MAP4K3: variants seen among roughly 807,000 people sequenced by gnomAD.
The protein encoded by MAP4K3 is MAPK/ERK kinase kinase kinase 3.
MAP4K3 carries 94 observed loss-of-function variants against 143.5 expected under a neutral mutation model. That is an observed-to-expected ratio of 0.65 (90% CI 0.55 to 0.78). The LOEUF is 0.78. Among genes scored for constraint, MAP4K3 ranks in the 30% least tolerant of loss-of-function variants. The pLI is 0.00. For synonymous variants in MAP4K3, 416 were observed against 347.2 expected (o/e 1.20, Z -2.20); for missense variants, 1,077 against 1,068.1 (o/e 1.01, Z -0.12).
At chr2:39,369,205 G>GTTTTTTTTTGGTTTT (rs68013609) in intron 2 of MAP4K3, among the ~76,000 whole-genome samples, 1 of 125,380 alleles carries the variant, frequency 8.0e-6, no homozygotes, top group Non-Finnish European at 1.6e-5. Context: ...TTTTTTTTTT[G>GTTTTTTTTTGGTTTT]TTTTTTTTGA....
chr2:39,407,756 T>A (rs1667134519), intron 1 of MAP4K3, among the ~76,000 whole-genome samples: 1 of 152,084 alleles, frequency 6.6e-6, no homozygotes, highest in Non-Finnish European at 1.5e-5. Flanking sequence ...TCTTATTTTT[T>A]ATAGACATGG....
At chr2:39,429,828 A>C (rs771415505) in intron 1 of MAP4K3, among the ~76,000 whole-genome samples, 2 of 152,234 alleles carry the variant, frequency 1.3e-5, no homozygotes, top group Non-Finnish European at 2.9e-5. Context: ...TGATAAAGCT[A>C]CAGTAAACAA....
chr2:39,430,262 C>T (rs1358373561), intron 1 of MAP4K3, among the ~76,000 whole-genome samples: 1 of 152,120 alleles, frequency 6.6e-6, no homozygotes. Context: ...TTTTTACAAT[C>T]TCAAATTTCT....
In MAP4K3 at chr2:39,308,037, T is replaced by C. The variant is rs767862813; in HGVS notation, c.1057-32A>G. 62 of 1,524,312 alleles carry C rather than the reference T, an allele frequency of 4.1e-5. 1 individual carries two copies. The Middle Eastern group carries it at 8.6e-4, about 21-fold the overall frequency. 94.4% of individuals were successfully genotyped at this position (1,524,312 alleles called of 1,614,324 possible). A position where few individuals can be genotyped will look rare whatever the true frequency, so the allele number is the denominator to read the frequency against. On this transcript the variant is annotated intron_variant, in intron 14 of 33. Transcript: ENST00000263881. The stretch of plus-strand genomic sequence containing the variant: ...AGCAGAGACCAAGAAACCCAAGTTA[T>C]TTACGCTTAGACTAAAAGCCACAAA...
At chr2:39,258,268 C>A in intron 31 of MAP4K3, 80 bp downstream of exon 31, 1 of 947,612 alleles carries the variant, frequency 1.1e-6, no homozygotes, top group Non-Finnish European at 1.6e-6. Flanking sequence ...TTAATAATAT[C>A]AATCTTTAAT....
intron 2 of MAP4K3, among the ~76,000 whole-genome samples, chr2:39,366,612 C>T (rs1459060607): frequency 1.3e-5 from 2 of 152,092 alleles, no homozygotes; most frequent in Non-Finnish European, 2.9e-5. Flanking sequence ...AGGGTAACTT[C>T]GGAATGCCTT....
In MAP4K3 at chr2:39,272,561, A is replaced by G. The variant is rs1681074295; in HGVS notation, c.1795-19T>C. The G allele has an allele frequency of 2.5e-6, 4 of 1,600,870 alleles. No individual in the cohort carries two copies. The highest frequency in any genetic ancestry group is 3.4e-6 in the Non-Finnish European group (4 of 1,168,426). On this transcript the variant is annotated intron_variant, in intron 24 of 33. Coordinates refer to ENST00000263881, the MANE Select transcript of MAP4K3 (RefSeq NM_003618.4). ...GGAATAGCTGATTAAAAAAAGGCACAAAGTTTACAAAGAATAATACATAAT... is the reference window on the plus strand; with the variant it reads ...GGAATAGCTGATTAAAAAAAGGCACGAAGTTTACAAAGAATAATACATAAT...
intron 1 of MAP4K3, among the ~76,000 whole-genome samples, chr2:39,392,682 G>A (rs1244101244): frequency 6.6e-6 from 1 of 152,228 alleles, no homozygotes; most frequent in African/African-American, 2.4e-5. Flanking sequence ...AGTATTGGCA[G>A]GTGGGGTGAT....
Position 39,275,247 on chromosome 2 carries a change from G to C in MAP4K3, c.1795-2705C>G, listed in dbSNP as rs185626026. On this transcript the variant is annotated intron_variant, in intron 24 of 33. Coordinates refer to ENST00000263881, the MANE Select transcript of MAP4K3 (RefSeq NM_003618.4). The stretch of plus-strand genomic sequence containing the variant: ...CACACCTGTAATCCCAGCACTGGGT[G>C]GGTAAGGCAGAAGGACTGCTGGAGC... Among the ~76,000 whole-genome samples, 662 of 152,318 alleles carry C rather than the reference G, an allele frequency of 4.3e-3. 4 individuals are homozygous for C. The highest frequency in any genetic ancestry group is 0.02 in the Middle Eastern group (6 of 294).
intron 1 of MAP4K3, among the ~76,000 whole-genome samples, chr2:39,386,409 A>G (rs187990665): frequency 6.6e-6 from 1 of 152,366 alleles, no homozygotes; most frequent in East Asian, 1.9e-4. Context: ...TTTATTTTTG[A>G]TAAAGTCCAA....
intron 14 of MAP4K3, among the ~76,000 whole-genome samples, 191 bp from the exon 15 acceptor site, chr2:39,308,196 A>C (rs1682788992): frequency 6.6e-6 from 1 of 152,222 alleles, no homozygotes; most frequent in Admixed American, 6.5e-5. Context: ...AAATGCAGTT[A>C]CTAAATTAGT....
intron 1 of MAP4K3, among the ~76,000 whole-genome samples, chr2:39,403,451 A>AT (rs1317984254): frequency 6.6e-6 from 1 of 152,104 alleles, no homozygotes; most frequent in Non-Finnish European, 1.5e-5. Flanking sequence ...TGGCGCAGAG[A>AT]ATGTGTGTGC....
At chr2:39,318,061 AGC>A in intron 12 of MAP4K3, among the ~76,000 whole-genome samples, 1 of 152,272 alleles carries the variant, frequency 6.6e-6, no homozygotes, top group Middle Eastern at 3.4e-3. Flanking sequence ...ACGGATATGC[AGC>A]CATAAAAAAG....
At chr2:39,292,886 A>G (rs1682108216) in intron 17 of MAP4K3, 60 bp from the exon 18 acceptor site, 4 of 1,378,408 alleles carry the variant, frequency 2.9e-6, no homozygotes, top group Non-Finnish European at 4.1e-6. Context: ...AGTAAGAAGA[A>G]ATTTTAGAAA....
chr2:39,314,744 C>A (rs1683058170), intron 13 of MAP4K3, among the ~76,000 whole-genome samples: 1 of 152,206 alleles, frequency 6.6e-6, no homozygotes, highest in Non-Finnish European at 1.5e-5. Flanking sequence ...GGGCCCATAA[C>A]TTGGCTGCCC....
At chr2:39,322,161 A>C (rs1683330338) in intron 12 of MAP4K3, among the ~76,000 whole-genome samples, 1 of 152,200 alleles carries the variant, frequency 6.6e-6, no homozygotes, top group East Asian at 1.9e-4. Context: ...ACTTAAAATT[A>C]AGTGGCAGGG....
At chr2:39,429,695 T>C (rs898255750) in intron 1 of MAP4K3, among the ~76,000 whole-genome samples, 22 of 152,236 alleles carry the variant, frequency 1.4e-4, no homozygotes, top group African/African-American at 5.1e-4. Flanking sequence ...TAGGCTTTTA[T>C]ATTTAACTTG....
chr2:39,405,344 T>G (rs1320102275), intron 1 of MAP4K3, among the ~76,000 whole-genome samples: 1 of 152,244 alleles, frequency 6.6e-6, no homozygotes, highest in African/African-American at 2.4e-5. Context: ...ACAAGTCTAC[T>G]AGAACTACAG....
chr2:39,339,621 G>T (rs547541679), intron 4 of MAP4K3, among the ~76,000 whole-genome samples: 3 of 152,116 alleles, frequency 2.0e-5, no homozygotes, highest in African/African-American at 7.2e-5. Flanking sequence ...CATAAAACCA[G>T]AAGTCTCAGA....
Sources: allele counts gnomAD v4.1 joint callset (sites outside exome capture counted in the v4.1 genomes callset), GRCh38; gene constraint gnomAD v4.1.1; transcripts MANE v1.5; gene names NCBI Gene and HGNC (gene_info 2026-07-23, HGNC 2026-07-21).